The following ANKRD30B variants were observed in gnomAD, a reference collection of about 807,000 sequenced individuals.
The protein encoded by ANKRD30B is ankyrin repeat domain 30B.
A neutral mutation model predicts 202.2 loss-of-function variants in ANKRD30B; 144 were observed. The ratio of observed to expected loss-of-function variants is 0.71; its 90% confidence interval spans 0.62 to 0.82. ANKRD30B has a LOEUF of 0.82. ANKRD30B is among the 40% of genes least tolerant of loss of function. The probability of loss-of-function intolerance (pLI) is 0.00; values close to 1 mark genes in which losing one functional copy is unlikely to be tolerated. For synonymous variants in ANKRD30B, 508 were observed against 561.3 expected, an observed-to-expected ratio of 0.91 and a Z score of 1.34; for missense variants, 1,487 against 1,669.1, an observed-to-expected ratio of 0.89 and a Z score of 1.90.
chr18:14,843,775 C>G (rs971387360), intron 39 of ANKRD30B, among the ~76,000 whole-genome samples: 1 of 152,064 alleles, frequency 6.6e-6, no homozygotes, highest in South Asian at 2.1e-4. Flanking sequence ...GCCTAGGGGA[C>G]AGAGCGAGAC....
At chr18:14,811,869 T>C (rs1483152033) in intron 28 of ANKRD30B, among the ~76,000 whole-genome samples, 1 of 1,516 alleles carries the variant, frequency 6.6e-4, no homozygotes, top group Non-Finnish European at 1.5e-3. Context: ...ATCTACTGAC[T>C]TTTTAGTTGT....
intron 16 of ANKRD30B, 59 bp downstream of exon 16, chr18:14,791,550 G>A: frequency 1.5e-6 from 2 of 1,354,008 alleles, no homozygotes; most frequent in Non-Finnish European, 2.1e-6. Context: ...AAACTGATGA[G>A]GAAGGATATC....
At chr18:14,816,084 T>G (rs1356854438) in intron 30 of ANKRD30B, 2 of 152,208 alleles carry the variant, frequency 1.3e-5, no homozygotes, top group Non-Finnish European at 2.9e-5. Context: ...ACATGGTGAA[T>G]ATTTGTAATG....
downstream of ANKRD30B, among the ~76,000 whole-genome samples, chr18:14,859,126 C>T (rs1257366269): frequency 7.5e-6 from 1 of 134,154 alleles, no homozygotes; most frequent in East Asian, 2.0e-4. Context: ...CGCTCCTCAC[C>T]TCCCAGACGG....
the ANKRD30B span, among the ~76,000 whole-genome samples, chr18:14,906,939 G>C: frequency 7.2e-5 from 11 of 151,958 alleles, no homozygotes; most frequent in Middle Eastern, 3.2e-3. Context: ...GGGGGTCCAG[G>C]TTATAGGTAG....
chr18:14,915,315 A>T, the ANKRD30B span, among the ~76,000 whole-genome samples: 2 of 152,200 alleles, frequency 1.3e-5, no homozygotes, highest in African/African-American at 4.8e-5. Context: ...CCAGAAAAAG[A>T]CACTGCACCT....
chr18:14,775,898 G>T (rs187719737), intron 9 of ANKRD30B, among the ~76,000 whole-genome samples: 12 of 152,160 alleles, frequency 7.9e-5, no homozygotes, highest in African/African-American at 2.9e-4. Context: ...CAACTAACTT[G>T]GTTTATAAAA....
At chr18:14,904,216 T>C in the ANKRD30B span, among the ~76,000 whole-genome samples, 3 of 152,200 alleles carry the variant, frequency 2.0e-5, no homozygotes, top group Non-Finnish European at 4.4e-5. Flanking sequence ...TATGCATAAT[T>C]ATCCCAGCTG....
intron 6 of ANKRD30B, among the ~76,000 whole-genome samples, chr18:14,761,532 A>G (rs1915259238): frequency 6.6e-6 from 1 of 152,210 alleles, no homozygotes. Context: ...CTTTGTACCC[A>G]CTTTAGGCTA....
At chr18:14,870,953 C>G in the ANKRD30B span, among the ~76,000 whole-genome samples, 166 of 150,982 alleles carry the variant, frequency 1.1e-3, no homozygotes, top group African/African-American at 3.7e-3. Context: ...CCCAGAAGAG[C>G]CAAACAGGCA....
chr18:14,837,867 T>A (rs1471883602), intron 36 of ANKRD30B, among the ~76,000 whole-genome samples, 191 bp downstream of exon 36: 1 of 151,966 alleles, frequency 6.6e-6, no homozygotes, highest in Admixed American at 6.6e-5. Context: ...TACAAAAAAT[T>A]TAGCTGGGCA....
the ANKRD30B span, among the ~76,000 whole-genome samples, chr18:14,935,054 T>G: frequency 6.6e-6 from 1 of 152,272 alleles, no homozygotes; most frequent in Admixed American, 6.5e-5. Flanking sequence ...CCCACCCCAC[T>G]TAAGTGGAGA....
chr18:14,925,616 G>C, the ANKRD30B span, among the ~76,000 whole-genome samples: 1 of 152,276 alleles, frequency 6.6e-6, no homozygotes, highest in Non-Finnish European at 1.5e-5. Flanking sequence ...CCAGCTCTGA[G>C]GGAAGAGTGT....
chr18:14,927,294 A>C, the ANKRD30B span, among the ~76,000 whole-genome samples: 1 of 152,176 alleles, frequency 6.6e-6, no homozygotes, highest in African/African-American at 2.4e-5. Flanking sequence ...TTAAACTCCG[A>C]ACTCAGGGCC....
chr18:14,846,070 T>C lies in ANKRD30B; in HGVS notation c.3182-2646T>C, dbSNP rs1489138865. The stretch of plus-strand genomic sequence containing the variant: ...GCTTCCATTGGATTTACTTTCTTAT[T>C]TTTTTTTTTTTTTAGCTTCTTCAGG... On this transcript the variant is annotated intron_variant, in intron 39 of 43. Transcript: ENST00000690538. Among the ~76,000 whole-genome samples the C allele has an allele frequency of 2.6e-3, 3 of 1,146 alleles. No individual in the cohort carries two copies. In the Non-Finnish European group the frequency reaches 0.21, roughly 82 times the overall value. The allele number at this position is 1,146 out of a possible 152,430, so 0.8% of individuals were successfully genotyped here.
rs867120887 is a variant in ANKRD30B, at chr18:14,806,361, G to A, written c.2285-2190G>A. ...TGTTTAAGTGTATGTCCTACTTCAC[G>A]CTATATTAGAAATTAAAAGTGAAGT... On this transcript the variant is annotated intron_variant, in intron 24 of 43. Coordinates refer to ENST00000690538, the MANE Select transcript of ANKRD30B (RefSeq NM_001367607.2). Among the ~76,000 whole-genome samples, 9 of 150,868 alleles carry A rather than the reference G, an allele frequency of 6.0e-5. 1 individual carries two copies. Among genetic ancestry groups the A allele is most frequent in the Non-Finnish European group, 1.3e-4 (9 of 67,762 alleles).
rs559783075 is a variant in ANKRD30B, at chr18:14,798,491, G to A, written c.2030-610G>A. Among the ~76,000 whole-genome samples the A allele has an allele frequency of 7.9e-5, 12 of 152,222 alleles. 1 individual carries two copies. The South Asian group carries it at 2.5e-3, about 32-fold the overall frequency. Reference sequence around the variant, plus strand: ...GTAGTAACAGTTGCAGCAAAAGCTGGTTACAAACAATCCATAGAAACAGGA... The same window carrying A: ...GTAGTAACAGTTGCAGCAAAAGCTGATTACAAACAATCCATAGAAACAGGA... On this transcript the variant is annotated intron_variant, in intron 20 of 43. Coordinates refer to ENST00000690538, the MANE Select transcript of ANKRD30B (RefSeq NM_001367607.2).
chr18:14,930,560 C>T, the ANKRD30B span, among the ~76,000 whole-genome samples: 237 of 152,212 alleles, frequency 1.6e-3, 3 homozygotes, highest in African/African-American at 5.5e-3. Flanking sequence ...GTTCTGCTTC[C>T]TCTAAGGCCA....
At chr18:14,850,142 G>T in intron 40 of ANKRD30B, 72 bp from the exon 41 acceptor site, 1 of 1,069,592 alleles carries the variant, frequency 9.3e-7, no homozygotes, top group Non-Finnish European at 1.3e-6. Context: ...ACCAGTATAG[G>T]AAGAAGTAGA....
Sources: gnomAD v4.1 joint callset for allele counts (sites outside exome capture counted in the v4.1 genomes callset) on GRCh38, gnomAD v4.1.1 for gene constraint, MANE v1.5 for transcripts, NCBI Gene and HGNC (gene_info 2026-07-23, HGNC 2026-07-21) for gene names.